Variants in SPECC1 observed in about 807,000 individuals in gnomAD.
SPECC1 encodes cytospin-B.
Under a neutral mutation model 104.1 loss-of-function variants are expected in SPECC1, and 62 were observed. The observed-to-expected ratio is 0.60, with a 90% CI of 0.49 to 0.74. SPECC1 has a LOEUF of 0.74. SPECC1 is among the 30% of genes least tolerant of loss of function. The pLI is 0.00. For missense variants in SPECC1, 1,306 were observed against 1,310.5 expected, an observed-to-expected ratio of 1.00 and a Z score of 0.05; for synonymous variants, 513 against 501.6, an observed-to-expected ratio of 1.02 and a Z score of -0.30.
chr17:20,152,457 C>T (rs1478511433), intron 3 of SPECC1, among the ~76,000 whole-genome samples: 1 of 134,102 alleles, frequency 7.5e-6, no homozygotes. Context: ...GCTTCAGCTG[C>T]CATAACCAAT....
At chr17:20,059,095 C>G (rs1325476326) in intron 1 of SPECC1, among the ~76,000 whole-genome samples, 5 of 151,916 alleles carry the variant, frequency 3.3e-5, no homozygotes, top group Non-Finnish European at 1.5e-5. Flanking sequence ...CTGCCTTGGC[C>G]TCCCGAAGTG....
rs146118574 is a variant in SPECC1 at position 20,019,763 on chromosome 17, C to T, written c.-22+10339C>T. On this transcript the variant is annotated intron_variant, in intron 1 of 14. Coordinates refer to ENST00000395527, the MANE Select transcript of SPECC1 (RefSeq NM_001243439.2). ...AGCTCAGAGATCTGCCACTTCTCTTCCAGCTTTCCCACGGAGCCACCCTGA... is the reference window on the plus strand; with the variant it reads ...AGCTCAGAGATCTGCCACTTCTCTTTCAGCTTTCCCACGGAGCCACCCTGA... Among the ~76,000 whole-genome samples the T allele has an allele frequency of 6.6e-5, 10 of 152,298 alleles. No homozygotes were observed. In the East Asian group the frequency reaches 1.5e-3, roughly 23 times the overall value.
rs568953875 is a variant in SPECC1 at position 20,175,179 on chromosome 17, A to G, written c.284-29154A>G. Among the ~76,000 whole-genome samples the G allele has an allele frequency of 3.9e-3, 588 of 152,166 alleles. 3 individuals carry two copies. Among genetic ancestry groups the G allele is most frequent in the Non-Finnish European group, 6.4e-3 (436 of 67,986 alleles). On this transcript the variant is annotated intron_variant, in intron 3 of 14. Transcript: ENST00000395527. Reference sequence around the variant, plus strand: ...CTTCAGCCTGCAGCCCCCAGAGGGGATGTAGTCATGCCAAAGCTCCTGATG... The same window carrying G: ...CTTCAGCCTGCAGCCCCCAGAGGGGGTGTAGTCATGCCAAAGCTCCTGATG...
intron 13 of SPECC1, among the ~76,000 whole-genome samples, chr17:20,298,583 C>A (rs936504219): frequency 2.6e-5 from 4 of 152,138 alleles, no homozygotes; most frequent in Non-Finnish European, 5.9e-5. Context: ...CCCCACAGCT[C>A]TGGTTTGGCC....
intron 1 of SPECC1, among the ~76,000 whole-genome samples, chr17:20,080,537 G>T (rs1397762375): frequency 6.6e-6 from 1 of 152,002 alleles, no homozygotes; most frequent in Non-Finnish European, 1.5e-5. Context: ...AATGGCTTGG[G>T]GCAGAGGAGC....
intron 3 of SPECC1, among the ~76,000 whole-genome samples, chr17:20,149,451 T>C (rs2703793): frequency 1 from 152,328 of 152,330 alleles, 76,163 homozygotes; most frequent in Middle Eastern, 1. Context: ...CAGGAGCCTA[T>C]GTGATCGCCT....
At chr17:20,239,885 T>G (rs903916617) in intron 7 of SPECC1, among the ~76,000 whole-genome samples, 2 of 119,366 alleles carry the variant, frequency 1.7e-5, no homozygotes, top group African/African-American at 6.5e-5. Flanking sequence ...TGAGTTTTTT[T>G]TTTTTTTTTT....
At chr17:20,130,362 C>A (rs1320802307) in intron 3 of SPECC1, among the ~76,000 whole-genome samples, 2 of 152,136 alleles carry the variant, frequency 1.3e-5, no homozygotes, top group Non-Finnish European at 2.9e-5. Flanking sequence ...CGGCAAGATC[C>A]CGTCTCTACA....
intron 3 of SPECC1, among the ~76,000 whole-genome samples, chr17:20,166,410 G>A (rs1002013334): frequency 2.0e-5 from 3 of 152,086 alleles, no homozygotes; most frequent in Non-Finnish European, 4.4e-5. Context: ...CTCTGTGATC[G>A]TAATGCAATA....
rs35118209 is a variant in SPECC1 at position 20,317,055 on chromosome 17, ATTT to A, written c.*3002_*3004del. The A allele has an allele frequency of 3.9e-4, 69 of 177,242 alleles. No individual in the cohort carries two copies. Among genetic ancestry groups the A allele is most frequent in the East Asian group, 1.2e-3 (12 of 10,280 alleles). The allele number at this position is 177,242 out of a possible 1,614,324, so 11.0% of individuals were successfully genotyped here. ...AACTCCAGGAGTTTCCCCGACTACC[ATTT>A]TTTTTTTTTTTATTTGCCAGTGGTG... is the stretch of plus-strand genomic sequence containing the variant. On this transcript the variant is annotated 3_prime_UTR_variant, in exon 15 of 15. Transcript: ENST00000395527.
At chr17:20,263,129 C>A (rs2040086888) in intron 12 of SPECC1, among the ~76,000 whole-genome samples, 1 of 151,584 alleles carries the variant, frequency 6.6e-6, no homozygotes, top group Non-Finnish European at 1.5e-5. Flanking sequence ...ATGGACCATG[C>A]CATGAAGGAA....
chr17:20,114,715 G>A (rs1326270452), intron 3 of SPECC1, among the ~76,000 whole-genome samples: 1 of 152,062 alleles, frequency 6.6e-6, no homozygotes, highest in East Asian at 1.9e-4. Flanking sequence ...TCTCCTTTGG[G>A]AGAATGACTC....
intron 3 of SPECC1, among the ~76,000 whole-genome samples, chr17:20,120,009 T>C (rs1299742365): frequency 6.6e-6 from 1 of 152,166 alleles, no homozygotes; most frequent in East Asian, 1.9e-4. Context: ...TATTCCAAAA[T>C]AAAAAATCAG....
chr17:20,046,694 T>A (rs1365440888), intron 1 of SPECC1, among the ~76,000 whole-genome samples: 1 of 152,076 alleles, frequency 6.6e-6, no homozygotes, highest in Non-Finnish European at 1.5e-5. Context: ...ATTGAGATGC[T>A]GACATTTGAG....
chr17:20,306,147 G>A (rs754001152), intron 14 of SPECC1, 65 bp downstream of exon 14: 5 of 1,486,922 alleles, frequency 3.4e-6, no homozygotes, highest in Non-Finnish European at 4.7e-6. Flanking sequence ...TATGCCATCT[G>A]ATAAACAGTT....
At chr17:20,169,964 A>G (rs1032314583) in intron 3 of SPECC1, among the ~76,000 whole-genome samples, 1 of 152,228 alleles carries the variant, frequency 6.6e-6, no homozygotes, top group Non-Finnish European at 1.5e-5. Context: ...CCTATGTAGT[A>G]TCATAGAAGT....
chr17:20,031,410 T>G (rs1263845328), intron 1 of SPECC1, among the ~76,000 whole-genome samples: 3 of 152,140 alleles, frequency 2.0e-5, no homozygotes, highest in Non-Finnish European at 4.4e-5. Flanking sequence ...ACCTCCGCCT[T>G]CTGGTTTCAA....
At chr17:20,140,235 T>C (rs1218392759) in intron 3 of SPECC1, among the ~76,000 whole-genome samples, 3 of 152,236 alleles carry the variant, frequency 2.0e-5, no homozygotes, top group African/African-American at 7.2e-5. Flanking sequence ...TCTTTAGTTA[T>C]AGAGCCAAGA....
At chr17:20,035,409 C>T (rs2045027617) in intron 1 of SPECC1, among the ~76,000 whole-genome samples, 2 of 151,988 alleles carry the variant, frequency 1.3e-5, no homozygotes, top group South Asian at 2.1e-4. Context: ...GTTTTCCAAC[C>T]TATAAGCATG....
Sources: gnomAD v4.1 joint callset for allele counts (sites outside exome capture counted in the v4.1 genomes callset) on GRCh38, gnomAD v4.1.1 for gene constraint, MANE v1.5 for transcripts, NCBI Gene and HGNC (gene_info 2026-07-23, HGNC 2026-07-21) for gene names.